The following PIK3AP1 variants were observed in gnomAD, a reference collection of about 807,000 sequenced individuals.
The protein encoded by PIK3AP1 is phosphoinositide 3-kinase adapter protein 1.
A neutral mutation model predicts 88.1 loss-of-function variants in PIK3AP1; 21 were observed. That is an observed-to-expected ratio of 0.24 (90% CI 0.17 to 0.34). PIK3AP1 has a LOEUF of 0.34. PIK3AP1 is among the 10% of genes least tolerant of loss of function. The pLI, the probability that PIK3AP1 is intolerant of heterozygous loss-of-function variation, is 1.00. For missense variants in PIK3AP1, 828 were observed against 1,035.7 expected (o/e 0.80, Z 2.75); for synonymous variants, 398 against 400.0 (o/e 1.00, Z 0.06).
intron 2 of PIK3AP1, among the ~76,000 whole-genome samples, chr10:96,697,444 G>T (rs1444171296): frequency 2.0e-5 from 3 of 152,190 alleles, no homozygotes; most frequent in African/African-American, 7.2e-5. Context: ...AGTAAAACAG[G>T]CTGGGTGTGG....
intron 8 of PIK3AP1, among the ~76,000 whole-genome samples, chr10:96,634,476 T>C (rs749873819): frequency 3.3e-5 from 5 of 152,220 alleles, no homozygotes; most frequent in Non-Finnish European, 7.3e-5. Context: ...CTTTGATATC[T>C]TGGAGACCTG....
chr10:96,689,082 T>G (rs1844115824), intron 2 of PIK3AP1, among the ~76,000 whole-genome samples: 1 of 152,184 alleles, frequency 6.6e-6, no homozygotes, highest in South Asian at 2.1e-4. Context: ...CACATCCTGA[T>G]GTTGAAGGTT....
Position 96,720,398 on chromosome 10 carries a change from G to A in PIK3AP1, c.-4C>T. 8.1e-7 allele frequency: 1 copy of A among 1,238,586 alleles called. No homozygotes were observed. The highest frequency in any genetic ancestry group is 1.0e-6 in the Non-Finnish European group (1 of 987,032). The allele number at this position is 1,238,586 out of a possible 1,614,324, so 76.7% of individuals were successfully genotyped here. ...CCTACCCACCTGAGGCTGCCATGCC[G>A]CGGGGCGCCGCTCACATCCCTGGCT... On this transcript the variant is annotated 5_prime_UTR_variant, in exon 1 of 17. Transcript: ENST00000339364. This position sits in a 1 kb window ranked among gnomAD's most constrained non-coding sequence, Gnocchi z 4.6.
chr10:96,654,448 G>A (rs150341526), intron 3 of PIK3AP1, among the ~76,000 whole-genome samples: 60 of 152,274 alleles, frequency 3.9e-4, no homozygotes, highest in South Asian at 1.5e-3. Context: ...TTTATGACAC[G>A]TGATGTGGGG....
At position 96,652,711 on chromosome 10, in the gene PIK3AP1, T is replaced by C; in HGVS notation, c.699A>G (p.Ser233=). The C allele has an allele frequency of 3.1e-6, 5 of 1,614,212 alleles. No individual in the cohort carries two copies. The highest frequency in any genetic ancestry group is 1.3e-5 in the African/African-American group (1 of 75,064). ...GGGACTACTTACTGGGAGCCTTCAC[T>C]GAAATGGTGTACTCATTCTCCACCT... ...EAKVENEYTI[S]VKAPNLSSGN... Residue 233 remains serine (S), a synonymous_variant, in exon 4 of 17, where the codon TCA becomes TCG. Coordinates refer to ENST00000339364, the MANE Select transcript of PIK3AP1 (RefSeq NM_152309.3).
In PIK3AP1 at chr10:96,719,452, T is replaced by C. The variant is rs187019343; in HGVS notation, c.13+930A>G. On this transcript the variant is annotated intron_variant, in intron 1 of 16. Transcript: ENST00000339364. Reference sequence around the variant, plus strand: ...GCTGGGAAAATACAAGTAAACCCATTTGTAAACACTGTAACTCTACCTCCT... The same window carrying C: ...GCTGGGAAAATACAAGTAAACCCATCTGTAAACACTGTAACTCTACCTCCT... Among the ~76,000 whole-genome samples the C allele has an allele frequency of 5.2e-3, 785 of 152,274 alleles. 7 individuals carry two copies. Among genetic ancestry groups the C allele is most frequent in the African/African-American group, 0.018 (760 of 41,564 alleles).
chr10:96,604,168 G>T, intron 14 of PIK3AP1, 119 bp from the exon 15 acceptor site: 2 of 840,772 alleles, frequency 2.4e-6, no homozygotes, highest in Non-Finnish European at 3.5e-6. Flanking sequence ...GTAAGTATGG[G>T]GTTCTTCAAA....
At chr10:96,600,188 A>G (rs1183226259) in intron 16 of PIK3AP1, among the ~76,000 whole-genome samples, 1 of 152,236 alleles carries the variant, frequency 6.6e-6, no homozygotes, top group African/African-American at 2.4e-5. Flanking sequence ...CAGGTTTGCC[A>G]CACACAGCAA....
intron 8 of PIK3AP1, among the ~76,000 whole-genome samples, chr10:96,629,211 G>A (rs1193321789): frequency 6.6e-6 from 1 of 152,042 alleles, no homozygotes; most frequent in Non-Finnish European, 1.5e-5. Context: ...GTCATGGTAT[G>A]ATATTGTTTA....
chr10:96,596,393 G>A (rs1307224944), intron 16 of PIK3AP1, among the ~76,000 whole-genome samples: 1 of 152,210 alleles, frequency 6.6e-6, no homozygotes, highest in Non-Finnish European at 1.5e-5. Context: ...CCTATGGGTT[G>A]ATGTACCCCT....
intron 2 of PIK3AP1, among the ~76,000 whole-genome samples, chr10:96,670,428 G>A (rs1262413230): frequency 6.6e-6 from 1 of 152,084 alleles, no homozygotes; most frequent in Non-Finnish European, 1.5e-5. Context: ...CCTATCCCAG[G>A]CTCCCCAAGA....
intron 1 of PIK3AP1, among the ~76,000 whole-genome samples, chr10:96,715,629 G>T (rs958800866): frequency 6.6e-6 from 1 of 152,182 alleles, no homozygotes; most frequent in African/African-American, 2.4e-5. Context: ...GGTGGCTCAT[G>T]CCTGTAATCC....
chr10:96,716,721 A>G (rs944231474), intron 1 of PIK3AP1, among the ~76,000 whole-genome samples: 2 of 152,010 alleles, frequency 1.3e-5, no homozygotes, highest in African/African-American at 4.8e-5. Context: ...ATCCTCAATC[A>G]CATCTCTCTT....
In PIK3AP1 at chr10:96,620,487, C is replaced by T. The variant is rs147512410; in HGVS notation, c.1806G>A (p.Thr602=). The part of the protein sequence containing the change: ...SIYDPFAGMK[T]PGQRQLITLQ... ...GGGTGATAAGCTGCCGCTGGCCTGG[C>T]GTTTTCATTCCCGCAAAAGGGTCAT... is the stretch of plus-strand genomic sequence containing the variant. Residue 602 remains threonine, a synonymous_variant, in exon 12 of 17, where the codon ACG becomes ACA. Coordinates refer to ENST00000339364, the MANE Select transcript of PIK3AP1 (RefSeq NM_152309.3). 1,764 of 1,614,030 alleles carry T rather than the reference C, an allele frequency of 1.1e-3. 1 individual carries two copies. The highest frequency in any genetic ancestry group is 1.4e-3 in the Non-Finnish European group (1,604 of 1,180,030).
In PIK3AP1 at chr10:96,606,007, C is replaced by T. The variant is rs570947655; in HGVS notation, c.2171-1958G>A. Among the ~76,000 whole-genome samples the T allele has an allele frequency of 5.3e-5, 8 of 152,284 alleles. No individual in the cohort carries two copies. The East Asian group carries it at 1.2e-3, about 22-fold the overall frequency. On this transcript the variant is annotated intron_variant, in intron 14 of 16. Coordinates refer to ENST00000339364, the MANE Select transcript of PIK3AP1 (RefSeq NM_152309.3). ...ACTGAGGCAGAGAACTGCTTGAACC[C>T]GGGAGGCAGAGATTGCAGTGAGCCG...
intron 11 of PIK3AP1, 91 bp from the exon 12 acceptor site, chr10:96,620,648 A>G: frequency 8.3e-6 from 9 of 1,088,202 alleles, no homozygotes. Flanking sequence ...TCACAGGCTC[A>G]AGAGGACTCT....
At chr10:96,717,567 A>G (rs1844518705) in intron 1 of PIK3AP1, among the ~76,000 whole-genome samples, 1 of 152,224 alleles carries the variant, frequency 6.6e-6, no homozygotes, top group Non-Finnish European at 1.5e-5. Context: ...TTAAGGTCAC[A>G]AAAAGGTTAA....
intron 13 of PIK3AP1, among the ~76,000 whole-genome samples, chr10:96,615,745 G>A (rs1294984561): frequency 6.6e-6 from 1 of 152,122 alleles, no homozygotes; most frequent in Non-Finnish European, 1.5e-5. Flanking sequence ...AGAAAGAAGA[G>A]GCATGGCATG....
At chr10:96,644,879 G>A (rs1843438076) in intron 8 of PIK3AP1, among the ~76,000 whole-genome samples, 1 of 151,998 alleles carries the variant, frequency 6.6e-6, no homozygotes, top group South Asian at 2.1e-4. Context: ...TCACCATCTA[G>A]GAAAATCCAG....
Sources: gnomAD v4.1 joint callset for allele counts (sites outside exome capture counted in the v4.1 genomes callset) on GRCh38, gnomAD v4.1.1 for gene constraint, Gnocchi (gnomAD v3.1) non-coding constraint, MANE v1.5 for transcripts, NCBI Gene and HGNC (gene_info 2026-07-23, HGNC 2026-07-21) for gene names.